Variants in SNTG1 observed in about 807,000 individuals in gnomAD.
SNTG1 encodes gamma-1-syntrophin.
SNTG1 carries 39 observed loss-of-function variants against 74.7 expected under a neutral mutation model. The ratio of observed to expected loss-of-function variants is 0.52; its 90% confidence interval spans 0.40 to 0.68. SNTG1 has a LOEUF of 0.68. Ranked by LOEUF, SNTG1 falls within the 30% of genes least tolerant of loss-of-function variation. The pLI, the probability that SNTG1 is intolerant of heterozygous loss-of-function variation, is 0.00. For synonymous variants in SNTG1, 254 were observed against 217.1 expected, an observed-to-expected ratio of 1.17 and a Z score of -1.49; for missense variants, 685 against 609.5, an observed-to-expected ratio of 1.12 and a Z score of -1.30.
intron 1 of SNTG1, among the ~76,000 whole-genome samples, chr8:49,981,256 C>T (rs760549149): frequency 1.9e-4 from 29 of 152,114 alleles, no homozygotes; most frequent in Middle Eastern, 3.4e-3. Flanking sequence ...AAAGGAGAGA[C>T]GGGAAAAAAT....
chr8:50,672,266 T>A (rs941761272), intron 15 of SNTG1, among the ~76,000 whole-genome samples: 32 of 152,118 alleles, frequency 2.1e-4, no homozygotes, highest in Admixed American at 1.2e-3. Flanking sequence ...CCACATTGTG[T>A]TCCAAAATGG....
At chr8:50,388,217 C>T (rs1157045339) in intron 2 of SNTG1, among the ~76,000 whole-genome samples, 1 of 152,106 alleles carries the variant, frequency 6.6e-6, no homozygotes, top group Admixed American at 6.6e-5. Flanking sequence ...CCCTTTTTCT[C>T]TCTACTTTCT....
chr8:50,687,885 G>C (rs993955528), intron 15 of SNTG1, among the ~76,000 whole-genome samples: 11 of 152,256 alleles, frequency 7.2e-5, no homozygotes, highest in African/African-American at 2.6e-4. Context: ...GTGTAAAAGT[G>C]TTCCTATTTC....
intron 2 of SNTG1, among the ~76,000 whole-genome samples, chr8:50,301,482 T>TA (rs2089644081): frequency 1.3e-5 from 2 of 152,310 alleles, no homozygotes; most frequent in South Asian, 4.1e-4. Flanking sequence ...TACTGTCATT[T>TA]AATTCTTTAA....
intron 1 of SNTG1, among the ~76,000 whole-genome samples, chr8:50,080,226 G>T (rs147170494): frequency 6.6e-6 from 1 of 152,098 alleles, no homozygotes; most frequent in East Asian, 1.9e-4. Flanking sequence ...CCTTCTCATC[G>T]CTGTACTATT....
intron 1 of SNTG1, among the ~76,000 whole-genome samples, chr8:50,093,366 C>T (rs34908792): frequency 0.16 from 23,872 of 152,064 alleles, 2,319 homozygotes; most frequent in Middle Eastern, 0.27. Flanking sequence ...TTCACAATCA[C>T]ATAGACATCA....
intron 1 of SNTG1, among the ~76,000 whole-genome samples, chr8:50,064,383 C>T (rs1215939351): frequency 1.3e-5 from 2 of 152,182 alleles, no homozygotes; most frequent in Non-Finnish European, 2.9e-5. Flanking sequence ...CAGATCATAA[C>T]TAAACCCATC....
intron 2 of SNTG1, among the ~76,000 whole-genome samples, chr8:50,218,004 C>A (rs1427325401): frequency 1.3e-5 from 2 of 152,104 alleles, no homozygotes; most frequent in African/African-American, 4.8e-5. Context: ...ACAAAAATAC[C>A]AAGTCACCTC....
intron 1 of SNTG1, among the ~76,000 whole-genome samples, chr8:50,023,200 C>T (rs556301957): frequency 9.9e-5 from 15 of 152,052 alleles, no homozygotes; most frequent in Middle Eastern, 3.4e-3. Flanking sequence ...ATGGAAGAGA[C>T]GGGAAGGAAG....
chr8:50,693,529 A>T (rs1182679350), intron 15 of SNTG1, among the ~76,000 whole-genome samples: 1 of 152,234 alleles, frequency 6.6e-6, no homozygotes, highest in Non-Finnish European at 1.5e-5. Context: ...TATAACAATT[A>T]TAGAGGCTTC....
chr8:50,097,813 G>A (rs560892492), intron 1 of SNTG1, among the ~76,000 whole-genome samples: 15 of 152,296 alleles, frequency 9.8e-5, no homozygotes, highest in African/African-American at 3.6e-4. Context: ...AGTCTTGGCA[G>A]TACCAGATAC....
At chr8:50,328,952 T>C (rs990412225) in intron 2 of SNTG1, among the ~76,000 whole-genome samples, 2 of 152,222 alleles carry the variant, frequency 1.3e-5, no homozygotes, top group Non-Finnish European at 2.9e-5. Context: ...AGACACAATG[T>C]GGGTGTAAGC....
intron 17 of SNTG1, among the ~76,000 whole-genome samples, chr8:50,726,184 A>G (rs1020879312): frequency 2.6e-5 from 4 of 152,206 alleles, no homozygotes; most frequent in Non-Finnish European, 5.9e-5. Context: ...AAAATAGTGC[A>G]CTGAAAGAGC....
At chr8:49,953,395 G>A (rs1383290790) in intron 1 of SNTG1, among the ~76,000 whole-genome samples, 1 of 152,100 alleles carries the variant, frequency 6.6e-6, no homozygotes. Context: ...TCCTTCCTTG[G>A]TTCTCTGTTG....
chr8:50,077,751 A>C (rs1822024111), intron 1 of SNTG1, among the ~76,000 whole-genome samples: 1 of 152,134 alleles, frequency 6.6e-6, no homozygotes, highest in Middle Eastern at 3.2e-3. Flanking sequence ...TTCCAACACC[A>C]GTTATTTTGG....
At chr8:50,605,804 C>T (rs895362737) in intron 13 of SNTG1, among the ~76,000 whole-genome samples, 4 of 152,096 alleles carry the variant, frequency 2.6e-5, no homozygotes, top group African/African-American at 4.8e-5. Context: ...GGATTATCCA[C>T]GGAGGCTTTT....
At chr8:50,414,184 T>A (rs2092986215) in intron 4 of SNTG1, among the ~76,000 whole-genome samples, 1 of 152,158 alleles carries the variant, frequency 6.6e-6, no homozygotes, top group Non-Finnish European at 1.5e-5. Flanking sequence ...CTATAATGTG[T>A]TATGAAGATA....
At position 50,450,702 on chromosome 8, in the gene SNTG1, T is replaced by G. The variant is rs751360879; in HGVS notation, c.336T>G (p.Asn112Lys). ...GDAILQINGI[N>K]VRKCRHEEVV... ...TTTCATTGCAGATAAATGGCATTAATGTGAGAAAATGTAGACATGAAGAAG... is the reference window on the plus strand; with the variant it reads ...TTTCATTGCAGATAAATGGCATTAAGGTGAGAAAATGTAGACATGAAGAAG... Residue 112 changes from asparagine (N) to lysine (K), a missense_variant, in exon 8 of 19, where the codon AAT becomes AAG. Asn to Lys is a moderately conservative substitution (Grantham distance 94). Transcript: ENST00000642720. The G allele has an allele frequency of 3.7e-6, 6 of 1,613,276 alleles. No homozygotes were observed. The highest frequency in any genetic ancestry group is 5.1e-6 in the Non-Finnish European group (6 of 1,179,752).
At chr8:50,028,700 C>T (rs903904616) in intron 1 of SNTG1, among the ~76,000 whole-genome samples, 1 of 151,994 alleles carries the variant, frequency 6.6e-6, no homozygotes, top group Non-Finnish European at 1.5e-5. Context: ...TGTAATTAAC[C>T]TGCATATTGT....
Sources: gnomAD v4.1 joint callset for allele counts (sites outside exome capture counted in the v4.1 genomes callset) on GRCh38, gnomAD v4.1.1 for gene constraint, MANE v1.5 for transcripts, NCBI Gene and HGNC (gene_info 2026-07-23, HGNC 2026-07-21) for gene names.